Variants in CD38 observed in about 807,000 individuals in gnomAD.
CD38 encodes CD38 molecule, also known as ADP-ribosyl cyclase/cyclic ADP-ribose hydrolase 1.
CD38 carries 31 observed loss-of-function variants against 36.3 expected under a neutral mutation model. The ratio of observed to expected loss-of-function variants is 0.85; its 90% CI spans 0.64 to 1.15. The LOEUF (loss-of-function observed/expected upper bound fraction) is 1.15, where lower values mean the gene tolerates loss of function less well. Ranked by LOEUF, CD38 falls within the 50% of genes most tolerant of loss-of-function variation. The pLI is 0.00. For missense variants in CD38, 380 were observed against 371.9 expected (o/e 1.02, Z -0.18); for synonymous variants, 131 against 135.2 (o/e 0.97, Z 0.22).
At chr4:15,800,376 C>T (rs1723193788) in intron 1 of CD38, among the ~76,000 whole-genome samples, 1 of 152,158 alleles carries the variant, frequency 6.6e-6, no homozygotes, top group South Asian at 2.1e-4. Context: ...TGAGAAACCA[C>T]CAAACTGTTT....
intron 1 of CD38, among the ~76,000 whole-genome samples, chr4:15,791,317 T>C (rs1171013221): frequency 1.4e-3 from 46 of 33,830 alleles, no homozygotes; most frequent in Non-Finnish European, 1.7e-3. Context: ...GTCAGCCCCC[T>C]GCCCGGCCAG....
intron 1 of CD38, among the ~76,000 whole-genome samples, chr4:15,782,761 C>G (rs1293930952): frequency 6.6e-6 from 1 of 152,208 alleles, no homozygotes; most frequent in Non-Finnish European, 1.5e-5. Context: ...GGTTGTAGCA[C>G]TTTATCTTCC....
intron 4 of CD38, among the ~76,000 whole-genome samples, chr4:15,834,930 A>G (rs1348026160): frequency 3.9e-5 from 6 of 152,164 alleles, no homozygotes; most frequent in Admixed American, 3.9e-4. Context: ...ATAGTTTTAC[A>G]TATTTATGGG....
intron 4 of CD38, among the ~76,000 whole-genome samples, chr4:15,836,220 C>T (rs777240847): frequency 1.3e-5 from 2 of 152,044 alleles, no homozygotes; most frequent in Non-Finnish European, 2.9e-5. Context: ...GATTAAGGTG[C>T]CAGCAGATTC....
intron 1 of CD38, among the ~76,000 whole-genome samples, chr4:15,789,847 C>T (rs1560306961): frequency 6.6e-6 from 1 of 152,150 alleles, no homozygotes; most frequent in Non-Finnish European, 1.5e-5. Context: ...AGAAGGCTGT[C>T]ACCAGATGTG....
chr4:15,808,277 G>C (rs758594526), intron 1 of CD38, among the ~76,000 whole-genome samples: 4 of 152,122 alleles, frequency 2.6e-5, no homozygotes, highest in Non-Finnish European at 5.9e-5. Flanking sequence ...CATGGGTCTG[G>C]GGCACCAACA....
At chr4:15,827,659 C>A (rs952943182) in intron 3 of CD38, among the ~76,000 whole-genome samples, 2 of 151,788 alleles carry the variant, frequency 1.3e-5, no homozygotes, top group Non-Finnish European at 2.9e-5. Context: ...AGACTTCTCT[C>A]CTTTTGTTTT....
chr4:15,839,423 T>TG, intron 5 of CD38, among the ~76,000 whole-genome samples: 1 of 102,958 alleles, frequency 9.7e-6, no homozygotes, highest in Non-Finnish European at 2.2e-5. Context: ...TTCTTTTTTT[T>TG]TTTTTTTTTT....
In CD38 at chr4:15,839,398, G is replaced by A. The variant is rs1415564832; in HGVS notation, c.660-628G>A. Among the ~76,000 whole-genome samples the A allele has an allele frequency of 1.4e-4, 21 of 145,234 alleles. No homozygotes were observed. In the Admixed American group the frequency reaches 1.4e-3, roughly 10 times the overall value. On this transcript the variant is annotated intron_variant, in intron 5 of 7. Transcript: ENST00000226279. Reference sequence around the variant, plus strand: ...CAGATCATTTCAGCAGGTTATAGTGGTTGAAATTCTACATTTCTTTTTTTT... The same window carrying A: ...CAGATCATTTCAGCAGGTTATAGTGATTGAAATTCTACATTTCTTTTTTTT...
rs995463231 is a variant in CD38 at position 15,849,142 on chromosome 4, C to G, written c.*540C>G. The G allele has an allele frequency of 1.1e-4, 16 of 152,258 alleles. No individual in the cohort carries two copies. Among genetic ancestry groups the G allele is most frequent in the African/African-American group, 3.9e-4 (16 of 41,426 alleles). 9.4% of individuals were successfully genotyped at this position (152,258 alleles called of 1,614,324 possible). A position where few individuals can be genotyped will look rare whatever the true frequency, so the allele number is the denominator to read the frequency against. ...CTACCCACGTACTTGGTGCTTTACC[C>G]CAACCCTTCCAACAGTGCTGTGAGG... On this transcript the variant is annotated 3_prime_UTR_variant, in exon 8 of 8. Transcript: ENST00000226279.
intron 1 of CD38, among the ~76,000 whole-genome samples, chr4:15,801,697 T>C (rs1723227776): frequency 6.6e-6 from 1 of 152,084 alleles, no homozygotes; most frequent in Non-Finnish European, 1.5e-5. Context: ...AAAAATCATA[T>C]GATCACCACA....
rs1560303151 is a variant in CD38, at chr4:15,778,556, C to CA, written c.143dup (p.Gln49AlafsTer24). The stretch of plus-strand genomic sequence containing the variant: ...CGCGGTGGTCGTCCCGAGGTGGCGC[C>CA]AGCAGTGGAGCGGTCCGGGCACCAC... On this transcript the variant is annotated frameshift_variant, in exon 1 of 8. Coordinates refer to ENST00000226279, the MANE Select transcript of CD38 (RefSeq NM_001775.4). LOFTEE classifies it high-confidence loss of function. The surrounding 1 kb of genome is among the most constrained non-coding windows in gnomAD (Gnocchi z 4.9). The CA allele has an allele frequency of 1.2e-6, 2 of 1,612,582 alleles. No individual in the cohort carries two copies. Among genetic ancestry groups the CA allele is most frequent in the Non-Finnish European group, 1.7e-6 (2 of 1,179,720 alleles).
intron 1 of CD38, among the ~76,000 whole-genome samples, chr4:15,787,209 G>T (rs773272093): frequency 2.3e-4 from 35 of 152,286 alleles, no homozygotes; most frequent in Non-Finnish European, 4.3e-4. Context: ...GGCGCGCAGA[G>T]GCCGGGGGGC....
intron 1 of CD38, among the ~76,000 whole-genome samples, chr4:15,789,880 G>A (rs1722920407): frequency 6.6e-6 from 1 of 151,896 alleles, no homozygotes; most frequent in South Asian, 2.1e-4. Flanking sequence ...TGGACTTTTT[G>A]GCCTCCATAA....
chr4:15,811,082 AT>A (rs1353753085), intron 1 of CD38, among the ~76,000 whole-genome samples: 8 of 152,312 alleles, frequency 5.3e-5, no homozygotes, highest in Admixed American at 2.0e-4. Flanking sequence ...TTATGAAAAA[AT>A]GTGTATAAAA....
In CD38 at chr4:15,848,731, A is replaced by G. The variant is rs1577665148; in HGVS notation, c.*129A>G. 3.2e-6 allele frequency: 2 copies of G among 622,112 alleles called. No individual in the cohort carries two copies. Among genetic ancestry groups the G allele is most frequent in the East Asian group, 5.5e-5 (2 of 36,614 alleles). 38.5% of individuals were successfully genotyped at this position (622,112 alleles called of 1,614,324 possible). A position where few individuals can be genotyped will look rare whatever the true frequency, so the allele number is the denominator to read the frequency against. On this transcript the variant is annotated 3_prime_UTR_variant, in exon 8 of 8. Coordinates refer to ENST00000226279, the MANE Select transcript of CD38 (RefSeq NM_001775.4). ...CTCCACAATAAGGTCAATGCCAGAG[A>G]CGGAAGCCTTTTTCCCCAAAGTCTT...
chr4:15,779,461 C>A (rs1372041746), intron 1 of CD38, among the ~76,000 whole-genome samples: 1 of 152,156 alleles, frequency 6.6e-6, no homozygotes, highest in East Asian at 1.9e-4. Context: ...TCGCTTTCAC[C>A]GGGAAATTAT....
At chr4:15,838,497 G>A (rs1391023818) in intron 5 of CD38, among the ~76,000 whole-genome samples, 1 of 151,886 alleles carries the variant, frequency 6.6e-6, no homozygotes, top group East Asian at 1.9e-4. Context: ...TGTTCACACC[G>A]TTCCCCCATA....
At chr4:15,848,322 G>A (rs919898317) in intron 7 of CD38, among the ~76,000 whole-genome samples, 1 of 152,118 alleles carries the variant, frequency 6.6e-6, no homozygotes, top group African/African-American at 2.4e-5. Context: ...AGCTGTGGGG[G>A]TCCGTGGCCT....
Sources: allele counts gnomAD v4.1 joint callset (sites outside exome capture counted in the v4.1 genomes callset), GRCh38; gene constraint gnomAD v4.1.1; non-coding constraint Gnocchi (gnomAD v3.1); transcripts MANE v1.5; gene names NCBI Gene and HGNC (gene_info 2026-07-23, HGNC 2026-07-21).